Variants in VPS54 observed in about 807,000 individuals in gnomAD.
The protein encoded by VPS54 is VPS54 subunit of GARP complex.
A neutral mutation model predicts 121.5 loss-of-function variants in VPS54; 45 were observed. The observed-to-expected ratio is 0.37, with a 90% CI of 0.29 to 0.47. VPS54 has a LOEUF of 0.47. Ranked by LOEUF, VPS54 falls within the 20% of genes least tolerant of loss-of-function variation. The pLI is 0.99. For missense variants in VPS54, 1,090 were observed against 1,131.4 expected (o/e 0.96, Z 0.52); for synonymous variants, 371 against 385.8 (o/e 0.96, Z 0.45).
At chr2:64,002,847 G>A (rs552338658) in intron 1 of VPS54, among the ~76,000 whole-genome samples, 5 of 152,142 alleles carry the variant, frequency 3.3e-5, no homozygotes, top group Non-Finnish European at 7.4e-5. Flanking sequence ...ATAAAGATGA[G>A]TCCCAGTTTC....
chr2:63,916,602 A>G (rs1053784870), intron 16 of VPS54, among the ~76,000 whole-genome samples: 1 of 152,164 alleles, frequency 6.6e-6, no homozygotes, highest in African/African-American at 2.4e-5. Context: ...TGGGATAGCA[A>G]TAATATCATG....
intron 8 of VPS54, among the ~76,000 whole-genome samples, chr2:63,948,414 G>GTTTT (rs560700373): frequency 1.3e-4 from 14 of 106,082 alleles, no homozygotes; most frequent in East Asian, 2.6e-4. Flanking sequence ...CACTTTTTCG[G>GTTTT]TTTTTTTTTT....
chr2:63,928,787 T>G (rs909624265), intron 12 of VPS54, among the ~76,000 whole-genome samples: 1 of 134,408 alleles, frequency 7.4e-6, no homozygotes, highest in Non-Finnish European at 1.5e-5. Context: ...AAGACACACA[T>G]AGGCTCAAAA....
chr2:63,920,623 C>G lies in VPS54; in HGVS notation c.1874G>C (p.Gly625Ala), dbSNP rs1673597821. ...VKFLMSRAKDGFLEKLNSMEF... is the reference protein window; with the variant it reads ...VKFLMSRAKDAFLEKLNSMEF... ...CATGGAATTTAGCTTCTCAAGAAAA[C>G]CATCCTAAATTTTAATACAAAAATC... is the stretch of plus-strand genomic sequence containing the variant. Residue 625 changes from glycine (G) to alanine (A), a missense_variant, in exon 14 of 23, where the codon GGT becomes GCT. Physicochemically the swap from Gly to Ala is moderately conservative, Grantham distance 60. Transcript: ENST00000272322. 1 of 1,483,640 alleles carries G rather than the reference C, an allele frequency of 6.7e-7. No homozygotes were observed. The highest frequency in any genetic ancestry group is 1.5e-5 in the South Asian group (1 of 68,186). 91.9% of individuals were successfully genotyped at this position (1,483,640 alleles called of 1,614,324 possible). A position where few individuals can be genotyped will look rare whatever the true frequency, so the allele number is the denominator to read the frequency against.
intron 20 of VPS54, among the ~76,000 whole-genome samples, chr2:63,905,789 C>T (rs575148767): frequency 6.6e-6 from 1 of 152,146 alleles, no homozygotes; most frequent in South Asian, 2.1e-4. Flanking sequence ...ACAAAAAAAT[C>T]CTTAAGTAGG....
intron 20 of VPS54, among the ~76,000 whole-genome samples, chr2:63,905,365 C>T (rs1457143623): frequency 6.6e-6 from 1 of 152,102 alleles, no homozygotes; most frequent in Non-Finnish European, 1.5e-5. Context: ...GCAGATAATA[C>T]AGATCCTCAC....
At chr2:63,990,297 G>C (rs989996192) in intron 1 of VPS54, among the ~76,000 whole-genome samples, 1 of 151,952 alleles carries the variant, frequency 6.6e-6, no homozygotes, top group Non-Finnish European at 1.5e-5. Flanking sequence ...TTCTTTTCAC[G>C]AAGAGCCAGT....
At chr2:63,958,032 GA>G (rs752168719) in intron 7 of VPS54, among the ~76,000 whole-genome samples, 37 of 149,420 alleles carry the variant, frequency 2.5e-4, no homozygotes, top group Admixed American at 4.7e-4. Context: ...TTATAGACAG[GA>G]AAAAAAAAGA....
intron 7 of VPS54, among the ~76,000 whole-genome samples, chr2:63,953,100 A>T (rs1297723485): frequency 1.3e-5 from 2 of 149,836 alleles, no homozygotes; most frequent in Non-Finnish European, 3.0e-5. Flanking sequence ...CTAATCTCAC[A>T]CACACACAAC....
intron 20 of VPS54, among the ~76,000 whole-genome samples, chr2:63,908,095 A>G (rs1310262257): frequency 6.6e-6 from 1 of 152,228 alleles, no homozygotes; most frequent in African/African-American, 2.4e-5. Flanking sequence ...GTAAACACAT[A>G]CCTACACAAA....
intron 4 of VPS54, among the ~76,000 whole-genome samples, chr2:63,971,710 C>G (rs996832538): frequency 6.6e-6 from 1 of 152,150 alleles, no homozygotes; most frequent in Non-Finnish European, 1.5e-5. Flanking sequence ...TACAGTGATA[C>G]AATTATTGGT....
intron 7 of VPS54, among the ~76,000 whole-genome samples, chr2:63,959,873 T>G (rs1271937199): frequency 6.6e-6 from 1 of 151,836 alleles, no homozygotes; most frequent in Non-Finnish European, 1.5e-5. Context: ...ATACAAAAAT[T>G]AGCTGGGCAC....
At chr2:64,010,954 T>C (rs1440829405) in intron 1 of VPS54, among the ~76,000 whole-genome samples, 6 of 152,236 alleles carry the variant, frequency 3.9e-5, no homozygotes, top group Non-Finnish European at 8.8e-5. Context: ...ATGGCATTTA[T>C]GAAACCCTGT....
At chr2:63,975,155 C>A in intron 3 of VPS54, 1 of 813,932 alleles carries the variant, frequency 1.2e-6, no homozygotes, top group Non-Finnish European at 1.8e-6. Context: ...AAGTGATTCT[C>A]ATGCCTCAGC....
intron 3 of VPS54, among the ~76,000 whole-genome samples, chr2:63,975,908 G>T (rs1262909014): frequency 6.6e-6 from 1 of 152,204 alleles, no homozygotes. Flanking sequence ...ACCATGCCCA[G>T]CTAAATTTTG....
chr2:63,892,182 G>GT lies in VPS54; in HGVS notation c.*1247dup, dbSNP rs1377095460. The stretch of plus-strand genomic sequence containing the variant: ...TTTACAGCTTTATTTTAGACAGATA[G>GT]TTTAAGAACCAAAGACATACCTCTG... On this transcript the variant is annotated 3_prime_UTR_variant, in exon 23 of 23. Transcript: ENST00000272322. 1 of 152,060 alleles carries GT rather than the reference G, an allele frequency of 6.6e-6. No individual in the cohort carries two copies. The highest frequency in any genetic ancestry group is 1.5e-5 in the Non-Finnish European group (1 of 68,026). The allele number at this position is 152,060 out of a possible 1,614,324, so 9.4% of individuals were successfully genotyped here.
At chr2:63,966,159 A>G (rs1466220338) in intron 5 of VPS54, among the ~76,000 whole-genome samples, 193 bp from the exon 6 acceptor site, 1 of 152,178 alleles carries the variant, frequency 6.6e-6, no homozygotes, top group Non-Finnish European at 1.5e-5. Context: ...AGCTTAAAAT[A>G]CTCATAAAAG....
At position 64,019,061 on chromosome 2, in the gene VPS54, G is replaced by T. The variant is rs1411011370; in HGVS notation, c.-144C>A. On this transcript the variant is annotated 5_prime_UTR_variant, in exon 1 of 23. Coordinates refer to ENST00000272322, the MANE Select transcript of VPS54 (RefSeq NM_016516.3). Reference sequence around the variant, plus strand: ...CCGCCCGGCGCCCGGCCGGGCCCGAGCCCGGGTTCCCGCCCCCGCCCCGCG... The same window carrying T: ...CCGCCCGGCGCCCGGCCGGGCCCGATCCCGGGTTCCCGCCCCCGCCCCGCG... 1 of 150,690 alleles carries T rather than the reference G, an allele frequency of 6.6e-6. No individual in the cohort carries two copies. The highest frequency in any genetic ancestry group is 2.0e-4 in the East Asian group (1 of 5,110). The allele number at this position is 150,690 out of a possible 1,614,324, so 9.3% of individuals were successfully genotyped here. A position where few individuals can be genotyped will look rare whatever the true frequency, so the allele number is the denominator to read the frequency against.
At chr2:63,979,669 A>C (rs1416795918) in intron 3 of VPS54, among the ~76,000 whole-genome samples, 1 of 152,134 alleles carries the variant, frequency 6.6e-6, no homozygotes, top group Admixed American at 6.5e-5. Context: ...ACAAATCCTG[A>C]TATGTTGTGT....
Sources: gnomAD v4.1 joint callset for allele counts (sites outside exome capture counted in the v4.1 genomes callset) on GRCh38, gnomAD v4.1.1 for gene constraint, MANE v1.5 for transcripts, NCBI Gene and HGNC (gene_info 2026-07-23, HGNC 2026-07-21) for gene names.